Variants in COL2A1 observed in about 807,000 individuals in gnomAD.
COL2A1 encodes collagen alpha-1(II) chain.
In COL2A1, 28 loss-of-function variants were observed where a neutral mutation model predicts 204.5. The ratio of observed to expected loss-of-function variants is 0.14; its 90% confidence interval spans 0.10 to 0.19. COL2A1 has a LOEUF of 0.19. Ranked by LOEUF, COL2A1 falls within the 10% of genes least tolerant of loss-of-function variation. COL2A1 has a pLI of 1.00. For synonymous variants in COL2A1, 708 were observed against 718.7 expected (o/e 0.99, Z 0.24); for missense variants, 1,388 against 2,027.5 (o/e 0.68, Z 6.06).
In COL2A1 at chr12:47,986,815, G is replaced by A. The variant is rs1400155719; in HGVS notation, c.1419+20C>T. ...TAGAACAGCAGCAGAGAAGACAAGG[G>A]CTTGGGGGCAGATACTCACAGGTTC... On this transcript the variant is annotated intron_variant, in intron 22 of 53. Coordinates refer to ENST00000380518, the MANE Select transcript of COL2A1 (RefSeq NM_001844.5). 2.5e-6 allele frequency: 4 copies of A among 1,613,932 alleles called. No homozygotes were observed. Among genetic ancestry groups the A allele is most frequent in the Non-Finnish European group, 3.4e-6 (4 of 1,179,916 alleles).
chr12:47,983,547 GC>G, intron 30 of COL2A1, 109 bp from the exon 31 acceptor site: 1 of 1,441,914 alleles, frequency 6.9e-7, no homozygotes, highest in East Asian at 2.3e-5. Context: ...AGCAGTGACA[GC>G]CAGGGGTGCA....
At position 47,977,592 on chromosome 12, in the gene COL2A1, ACACT is replaced by A. The variant is rs773138674; in HGVS notation, c.3165+4_3165+7del. The A allele has an allele frequency of 4.5e-5, 73 of 1,613,958 alleles. No individual in the cohort carries two copies. The highest frequency in any genetic ancestry group is 6.1e-5 in the Non-Finnish European group (72 of 1,179,942). On this transcript the variant is annotated splice_donor_5th_base_variant and intron_variant, in intron 45 of 53. Transcript: ENST00000380518. ...AACCCACTGCACACACAGACACCAG[ACACT>A]CACCTTGACTCCAGCAGCGCCATCT...
chr12:47,976,765 G>A lies in COL2A1; in HGVS notation c.3435+47C>T, dbSNP rs1457464899. 8 of 1,550,790 alleles carry A rather than the reference G, an allele frequency of 5.2e-6. No homozygotes were observed. Among genetic ancestry groups the A allele is most frequent in the Non-Finnish European group, 7.1e-6 (8 of 1,130,504 alleles). ...AGCACAGGGAGCTCAAGTGGGCTCT[G>A]TGTGGCAGGAGGCCTCGGGAAGTCC... is the stretch of plus-strand genomic sequence containing the variant. On this transcript the variant is annotated intron_variant, in intron 48 of 53. Coordinates refer to ENST00000380518, the MANE Select transcript of COL2A1 (RefSeq NM_001844.5). This position sits in a 1 kb window ranked among gnomAD's most constrained non-coding sequence, Gnocchi z 4.3.
chr12:47,996,687 G>T, intron 7 of COL2A1, 62 bp from the exon 8 acceptor site: 2 of 1,346,126 alleles, frequency 1.5e-6, no homozygotes, highest in Non-Finnish European at 1.1e-6. Context: ...TACTTGGCTA[G>T]GTAAGCTCTA....
intron 1 of COL2A1, chr12:48,001,192 A>C (rs1245792199): frequency 6.6e-6 from 1 of 152,292 alleles, no homozygotes; most frequent in African/African-American, 2.4e-5. Context: ...TGTTTTTCTC[A>C]TCAAAATCCC....
At chr12:47,994,384 G>T (rs745829863) in intron 12 of COL2A1, 40 bp downstream of exon 12, 1 of 1,611,428 alleles carries the variant, frequency 6.2e-7, no homozygotes, top group South Asian at 1.1e-5. Context: ...GGAGGGAGAC[G>T]CTAGGAAAGA....
At chr12:47,973,577 C>T in intron 53 of COL2A1, 24 bp from the exon 54 acceptor site, 3 of 1,613,968 alleles carry the variant, frequency 1.9e-6, no homozygotes, top group Non-Finnish European at 2.5e-6. Flanking sequence ...AAGGAGGAGG[C>T]TCTGTTCAGT....
Position 47,974,694 on chromosome 12 carries a change from G to C in COL2A1, c.4055C>G (p.Thr1352Ser). The change falls in exon 52 of 54, where the codon ACC (threonine) becomes AGC (serine). Residue 1352 changes from threonine (T) to serine (S), a missense_variant. Physicochemically the swap from Thr to Ser is moderately conservative, Grantham distance 58. Around this residue, in one of 3 missense-constraint regions of COL2A1, gnomAD observed 303 missense variants for 369.2 expected, o/e 0.82. Transcript: ENST00000380518. ...KEKKHIWFGE[T>S]INGGFHFSYG... ...ACTCACATGGAAGCCACCATTGATGGTTTCTCCAAACCAGATGTGTTTCTT... is the reference window on the plus strand; with the variant it reads ...ACTCACATGGAAGCCACCATTGATGCTTTCTCCAAACCAGATGTGTTTCTT... 1.2e-6 allele frequency: 2 copies of C among 1,614,170 alleles called. No homozygotes were observed. The highest frequency in any genetic ancestry group is 8.5e-7 in the Non-Finnish European group (1 of 1,180,028).
In COL2A1 at chr12:47,994,018, G is replaced by A. The variant is rs762551540; in HGVS notation, c.846C>T (p.Gly282=). ...QGARGFPGTP[G]LPGVKGHRGY... is the part of the protein sequence containing the mutation. ...CTCTGTGACCTTTGACACCAGGAAG[G>A]CCTGGGGTTCCTGGGAAACCACGAG... Residue 282 remains glycine (G), a synonymous_variant, in exon 13 of 54, where the codon GGC becomes GGT. Coordinates refer to ENST00000380518, the MANE Select transcript of COL2A1 (RefSeq NM_001844.5). 1.2e-6 allele frequency: 2 copies of A among 1,614,046 alleles called. No homozygotes were observed. The highest frequency in any genetic ancestry group is 4.5e-5 in the East Asian group (2 of 44,876).
Position 47,976,554 on chromosome 12 carries a change from T to A in COL2A1, c.3449A>T (p.Asp1150Val), listed in dbSNP as rs546666705. Residue 1150 changes from aspartate (D) to valine (V), a missense_variant, in exon 49 of 54, where the codon GAC (aspartate) becomes GTC (valine). Physicochemically the swap from Asp to Val is radical, Grantham distance 152. Around this residue, in one of 3 missense-constraint regions of COL2A1, gnomAD observed 884 missense variants for 1,415.8 expected, o/e 0.62. Transcript: ENST00000380518. This position sits in a 1 kb window ranked among gnomAD's most constrained non-coding sequence, Gnocchi z 4.3. Reference protein sequence around the residue: ...GLPGPPGPSGDQGASGPAGPS... With the variant: ...GLPGPPGPSGVQGASGPAGPS... ...ACCAGCAGGACCAGAAGCACCTTGG[T>A]CTCCAGAAGGACCCTGTGTAGAAGG... 6.2e-6 allele frequency: 10 copies of A among 1,614,110 alleles called. No homozygotes were observed. The South Asian group carries it at 1.1e-4, about 18-fold the overall frequency.
At chr12:47,977,192 A>G in intron 46 of COL2A1, 37 bp from the exon 47 acceptor site, 1 of 1,610,956 alleles carries the variant, frequency 6.2e-7, no homozygotes, top group Non-Finnish European at 8.5e-7. Context: ...GAGAAAAGCC[A>G]GGACAGGTGG....
chr12:47,996,708 A>G, intron 7 of COL2A1, 83 bp from the exon 8 acceptor site: 1 of 1,046,558 alleles, frequency 9.6e-7, no homozygotes, highest in Non-Finnish European at 1.5e-6. Context: ...TATGGATACA[A>G]AGAACTCTAC....
chr12:47,982,649 C>A (rs778218370), intron 33 of COL2A1, 40 bp from the exon 34 acceptor site: 1 of 1,466,498 alleles, frequency 6.8e-7, no homozygotes, highest in Non-Finnish European at 9.4e-7. Context: ...GTGGACAGCA[C>A]CTCTCCCTGA....
chr12:48,000,415 T>A (rs1365210532), intron 1 of COL2A1, among the ~76,000 whole-genome samples: 2 of 152,178 alleles, frequency 1.3e-5, no homozygotes, highest in African/African-American at 4.8e-5. Flanking sequence ...ATATTCTCTT[T>A]ACCCACCTAA....
At position 47,987,902 on chromosome 12, in the gene COL2A1, C is replaced by G. The variant is rs1180564089; in HGVS notation, c.1123-193G>C. Among the ~76,000 whole-genome samples, 1 of 152,160 alleles carries G rather than the reference C, an allele frequency of 6.6e-6. No individual in the cohort carries two copies. The highest frequency in any genetic ancestry group is 1.5e-5 in the Non-Finnish European group (1 of 68,040). On this transcript the variant is annotated intron_variant, in intron 18 of 53. Coordinates refer to ENST00000380518, the MANE Select transcript of COL2A1 (RefSeq NM_001844.5). This position sits in a 1 kb window ranked among gnomAD's most constrained non-coding sequence, Gnocchi z 4.1. ...TCTCCCTGCCTGACCGAGCTGATGACTTGATGACTTCCCACGCCTGCCTCC... is the reference window on the plus strand; with the variant it reads ...TCTCCCTGCCTGACCGAGCTGATGAGTTGATGACTTCCCACGCCTGCCTCC...
rs751205887 is a variant in COL2A1 at position 47,977,629 on chromosome 12, G to C, written c.3136C>G (p.Pro1046Ala). Residue 1046 changes from proline to alanine, a missense_variant, in exon 45 of 54, where the codon CCT (proline) becomes GCT (alanine). Around this residue, in one of 3 missense-constraint regions of COL2A1, gnomAD observed 884 missense variants for 1,415.8 expected, o/e 0.62. Transcript: ENST00000380518. ...REGSPGADGP[P>A]GRDGAAGVKG... The stretch of plus-strand genomic sequence containing the variant: ...ACTCCAGCAGCGCCATCTCTGCCAG[G>C]GGGGCCATCAGCACCGGGGCTTCCC... 2 of 1,614,102 alleles carry C rather than the reference G, an allele frequency of 1.2e-6. No individual in the cohort carries two copies. Among genetic ancestry groups the C allele is most frequent in the East Asian group, 4.5e-5 (2 of 44,872 alleles).
In COL2A1 at chr12:47,976,622, A is replaced by G; in HGVS notation, c.3436-55T>C. On this transcript the variant is annotated intron_variant, in intron 48 of 53. Transcript: ENST00000380518. This position sits in a 1 kb window ranked among gnomAD's most constrained non-coding sequence, Gnocchi z 4.3. ...GGTCAGCACAGACATATCTATCTATATTCTGGGAGCTGGGGGAACAGCTTT... is the reference window on the plus strand; with the variant it reads ...GGTCAGCACAGACATATCTATCTATGTTCTGGGAGCTGGGGGAACAGCTTT... 6.3e-7 allele frequency: 1 copy of G among 1,578,094 alleles called. No homozygotes were observed. The highest frequency in any genetic ancestry group is 1.3e-5 in the African/African-American group (1 of 74,308).
At chr12:47,990,745 T>G (rs997245500) in intron 16 of COL2A1, among the ~76,000 whole-genome samples, 2 of 152,242 alleles carry the variant, frequency 1.3e-5, no homozygotes, top group African/African-American at 4.8e-5. Context: ...TCTCTAGGAC[T>G]GGACTTGGAG....
rs41317891 is a variant in COL2A1, at chr12:47,995,924, A to G, written c.610-5T>C. Reference sequence around the variant, plus strand: ...TCCTCGAGGTCCCATGGGGCCCTGCATCGGAACAGAAAATGAGGGGTTTAC... The same window carrying G: ...TCCTCGAGGTCCCATGGGGCCCTGCGTCGGAACAGAAAATGAGGGGTTTAC... On this transcript the variant is annotated splice_polypyrimidine_tract_variant and splice_region_variant and intron_variant, in intron 8 of 53. Transcript: ENST00000380518. 4 of 1,612,748 alleles carry G rather than the reference A, an allele frequency of 2.5e-6. No individual in the cohort carries two copies. The highest frequency in any genetic ancestry group is 1.3e-5 in the African/African-American group (1 of 74,876).
Sources: allele counts gnomAD v4.1 joint callset (sites outside exome capture counted in the v4.1 genomes callset), GRCh38; gene constraint gnomAD v4.1.1; regional missense constraint gnomAD v4.1.1; non-coding constraint Gnocchi (gnomAD v3.1); transcripts MANE v1.5; gene names NCBI Gene and HGNC (gene_info 2026-07-23, HGNC 2026-07-21).